Variants in AFF1 observed in about 807,000 individuals in gnomAD.
AFF1 encodes the protein AF4/FMR2 family member 1.
In AFF1, 48 loss-of-function variants were observed where a neutral mutation model predicts 121.7. The observed-to-expected ratio is 0.39, with a 90% CI of 0.31 to 0.50. The LOEUF (loss-of-function observed/expected upper bound fraction) is 0.50, where lower values mean the gene tolerates loss of function less well. Ranked by LOEUF, AFF1 falls within the 20% of genes least tolerant of loss-of-function variation. AFF1 has a pLI of 0.76. For synonymous variants in AFF1, 613 were observed against 563.0 expected (o/e 1.09, Z -1.26); for missense variants, 1,523 against 1,511.7 (o/e 1.01, Z -0.12).
chr4:87,013,532 G>C (rs751949212), intron 2 of AFF1, among the ~76,000 whole-genome samples: 12 of 152,268 alleles, frequency 7.9e-5, no homozygotes, highest in Middle Eastern at 3.4e-3. Flanking sequence ...CTGTTTGACT[G>C]CATTCTAAAA....
intron 2 of AFF1, chr4:86,950,129 G>C (rs1250299143): frequency 6.3e-7 from 1 of 1,592,828 alleles, no homozygotes; most frequent in Non-Finnish European, 8.6e-7. Flanking sequence ...GCAGGGATGG[G>C]ACTTGGGCCA....
intron 4 of AFF1, among the ~76,000 whole-genome samples, chr4:87,064,811 G>T (rs1158641139): frequency 2.6e-5 from 4 of 151,140 alleles, no homozygotes; most frequent in Non-Finnish European, 5.9e-5. Flanking sequence ...AGCGGAGGTT[G>T]CAGTAAAGTC....
intron 17 of AFF1, 46 bp downstream of exon 17, chr4:87,131,265 C>T: frequency 5.0e-6 from 8 of 1,606,364 alleles, no homozygotes; most frequent in Non-Finnish European, 6.0e-6. Flanking sequence ...CTTTTCTTTC[C>T]TCACCTTTAT....
intron 12 of AFF1, among the ~76,000 whole-genome samples, chr4:87,120,623 C>CGTACT (rs1216579750): frequency 6.6e-6 from 1 of 152,224 alleles, no homozygotes; most frequent in Non-Finnish European, 1.5e-5. Flanking sequence ...ACAAGGTCGG[C>CGTACT]GTACTGGCTC....
Position 87,140,317 on chromosome 4 carries a change from T to C in AFF1, c.*4616T>C, listed in dbSNP as rs1274931522. The C allele has an allele frequency of 5.1e-6, 1 of 197,918 alleles. No homozygotes were observed. The highest frequency in any genetic ancestry group is 1.9e-4 in the South Asian group (1 of 5,186). 12.3% of individuals were successfully genotyped at this position (197,918 alleles called of 1,614,324 possible). A position where few individuals can be genotyped will look rare whatever the true frequency, so the allele number is the denominator to read the frequency against. On this transcript the variant is annotated 3_prime_UTR_variant, in exon 21 of 21. Coordinates refer to ENST00000395146, the MANE Select transcript of AFF1 (RefSeq NM_001166693.3). The stretch of plus-strand genomic sequence containing the variant: ...AATTACTGCATATCCCCCTCAGATA[T>C]CAAGTATACACTGTTCATGTTGGGG...
intron 2 of AFF1, among the ~76,000 whole-genome samples, chr4:87,013,102 G>T (rs952736500): frequency 5.6e-5 from 8 of 142,036 alleles, no homozygotes; most frequent in Non-Finnish European, 1.5e-5. Flanking sequence ...GGAGTGCAAT[G>T]GTGCGATCTC....
intron 4 of AFF1, among the ~76,000 whole-genome samples, chr4:87,053,277 A>T (rs1022870692): frequency 3.9e-5 from 6 of 152,158 alleles, no homozygotes; most frequent in African/African-American, 1.4e-4. Context: ...TCATGTTAGG[A>T]ACGTTTTGTT....
chr4:87,029,883 G>C (rs1208767880), intron 2 of AFF1, among the ~76,000 whole-genome samples: 3 of 152,054 alleles, frequency 2.0e-5, no homozygotes, highest in Admixed American at 2.0e-4. Flanking sequence ...TGAAGATGTT[G>C]GGTGACATTG....
chr4:87,031,438 TG>T (rs890084663), intron 2 of AFF1, among the ~76,000 whole-genome samples: 21 of 146,380 alleles, frequency 1.4e-4, no homozygotes, highest in African/African-American at 5.4e-4. Flanking sequence ...TCTTAGCATA[TG>T]TTTTTTTTTT....
intron 2 of AFF1, among the ~76,000 whole-genome samples, chr4:86,986,312 T>G (rs746403252): frequency 2.2e-4 from 34 of 152,222 alleles, no homozygotes; most frequent in Non-Finnish European, 4.6e-4. Flanking sequence ...CCTCAGGTGA[T>G]CCACCCGCCT....
chr4:87,104,610 T>A (rs1018394634), intron 8 of AFF1, among the ~76,000 whole-genome samples: 1 of 152,144 alleles, frequency 6.6e-6, no homozygotes, highest in Admixed American at 6.5e-5. Flanking sequence ...ACATAGTGAT[T>A]TTTACCAGGA....
intron 2 of AFF1, among the ~76,000 whole-genome samples, chr4:86,992,298 T>C (rs1330588360): frequency 6.6e-6 from 1 of 152,192 alleles, no homozygotes; most frequent in Admixed American, 6.6e-5. Context: ...TGTACTTGGC[T>C]TAAAGGCTTG....
chr4:86,939,364 T>A (rs1417879168), intron 1 of AFF1, among the ~76,000 whole-genome samples: 2 of 152,248 alleles, frequency 1.3e-5, no homozygotes, highest in African/African-American at 4.8e-5. Context: ...GTTTCCTGTT[T>A]TTCAAGAATT....
At chr4:87,095,748 G>T (rs1285822220) in intron 8 of AFF1, among the ~76,000 whole-genome samples, 1 of 152,102 alleles carries the variant, frequency 6.6e-6, no homozygotes, top group Non-Finnish European at 1.5e-5. Flanking sequence ...GCATATTAAA[G>T]ATTTTTAAAT....
chr4:86,990,885 C>T (rs1054545725), intron 2 of AFF1, among the ~76,000 whole-genome samples: 2 of 152,222 alleles, frequency 1.3e-5, no homozygotes, highest in Non-Finnish European at 2.9e-5. Context: ...AGCGCGGTGG[C>T]TCACGCCTGT....
rs200340718 is a variant in AFF1, at chr4:87,087,685, CA to C, written c.1105-2298del. On this transcript the variant is annotated intron_variant, in intron 5 of 20. Coordinates refer to ENST00000395146, the MANE Select transcript of AFF1 (RefSeq NM_001166693.3). Reference sequence around the variant, plus strand: ...ATGTAGGGAAGTATATAAATCCTTTCAGACTACCAGGGAACCACTTAGGGTT... The same window carrying C: ...ATGTAGGGAAGTATATAAATCCTTTCGACTACCAGGGAACCACTTAGGGTT... 6.8e-3 allele frequency among the ~76,000 whole-genome samples: 1,037 copies of C among 152,316 alleles called. 12 individuals are homozygous for C. Among genetic ancestry groups the C allele is most frequent in the African/African-American group, 0.024 (994 of 41,558 alleles).
intron 2 of AFF1, among the ~76,000 whole-genome samples, chr4:86,995,465 C>G (rs900912280): frequency 5.9e-5 from 9 of 151,636 alleles, no homozygotes; most frequent in Non-Finnish European, 8.8e-5. Flanking sequence ...GCGCGCGCCG[C>G]CACGCCTGAC....
chr4:87,019,114 G>GCCCATGAAGGAAAA, intron 2 of AFF1, among the ~76,000 whole-genome samples: 1 of 152,288 alleles, frequency 6.6e-6, no homozygotes, highest in South Asian at 2.1e-4. Context: ...AAATAGCAAA[G>GCCCATGAAGGAAAA]CCCATGAAGG....
At chr4:87,033,573 A>C (rs1729272488) in intron 2 of AFF1, among the ~76,000 whole-genome samples, 1 of 152,204 alleles carries the variant, frequency 6.6e-6, no homozygotes, top group Non-Finnish European at 1.5e-5. Flanking sequence ...CACTTAGTAC[A>C]TTTGATCTCT....
Sources: gnomAD v4.1 joint callset for allele counts (sites outside exome capture counted in the v4.1 genomes callset) on GRCh38, gnomAD v4.1.1 for gene constraint, MANE v1.5 for transcripts, NCBI Gene and HGNC (gene_info 2026-07-23, HGNC 2026-07-21) for gene names.